VWA3B: variants seen among roughly 807,000 people sequenced by gnomAD.
VWA3B encodes von Willebrand factor A domain-containing protein 3B.
VWA3B carries 138 observed loss-of-function variants against 158.3 expected under a neutral mutation model. That is an observed-to-expected ratio of 0.87 (90% confidence interval 0.76 to 1.00). VWA3B has a LOEUF of 1.00. VWA3B is among the 50% of genes least tolerant of loss of function. The probability of loss-of-function intolerance (pLI) is 0.00; values close to 1 mark genes in which losing one functional copy is unlikely to be tolerated. For synonymous variants in VWA3B, 596 were observed against 587.3 expected, an observed-to-expected ratio of 1.01 and a Z score of -0.21; for missense variants, 1,555 against 1,565.1, an observed-to-expected ratio of 0.99 and a Z score of 0.11.
At chr2:98,271,941 G>A (rs963645305) in intron 22 of VWA3B, among the ~76,000 whole-genome samples, 3 of 152,200 alleles carry the variant, frequency 2.0e-5, no homozygotes, top group Admixed American at 1.3e-4. Flanking sequence ...ACATTTAAGA[G>A]GTGTGTGTGG....
chr2:98,157,844 G>T (rs1678223830), intron 7 of VWA3B, among the ~76,000 whole-genome samples: 1 of 152,172 alleles, frequency 6.6e-6, no homozygotes, highest in African/African-American at 2.4e-5. Context: ...CCCGAGGGTG[G>T]TTTTGTTTCT....
rs200956872 is a variant in VWA3B, at chr2:98,188,116, C to T, written c.1453C>T (p.Arg485Trp). ...TGAGAGAATCCACACAGCCCTGGCC[C>T]GGATCCGAAGGAGGTTGGTGTTATT... Reference protein sequence around the residue: ...YSERIHTALARIRRRIKWLQD... With the variant: ...YSERIHTALAWIRRRIKWLQD... Residue 485 changes from arginine to tryptophan, a missense_variant, in exon 10 of 28, where the codon CGG becomes TGG. Transcript: ENST00000477737. 90 of 1,611,678 alleles carry T rather than the reference C, an allele frequency of 5.6e-5. No homozygotes were observed. Among genetic ancestry groups the T allele is most frequent in the African/African-American group, 2.8e-4 (21 of 74,924 alleles).
chr2:98,251,616 C>T (rs1179117737), intron 20 of VWA3B, among the ~76,000 whole-genome samples: 2 of 152,164 alleles, frequency 1.3e-5, no homozygotes, highest in African/African-American at 4.8e-5. Flanking sequence ...TGTCATTTGC[C>T]ACCATGCGGG....
At chr2:98,102,664 G>C (rs867427634) in intron 2 of VWA3B, among the ~76,000 whole-genome samples, 29 of 152,198 alleles carry the variant, frequency 1.9e-4, no homozygotes, top group African/African-American at 6.5e-4. Context: ...AAGTTCGTAA[G>C]AGATATTGCT....
At chr2:98,216,425 A>G (rs1333363356) in intron 13 of VWA3B, among the ~76,000 whole-genome samples, 2 of 152,266 alleles carry the variant, frequency 1.3e-5, no homozygotes, top group African/African-American at 4.8e-5. Context: ...CACCATCCTA[A>G]ATAAAACTAA....
chr2:98,276,008 G>A (rs1286118036), intron 22 of VWA3B, among the ~76,000 whole-genome samples: 1 of 152,222 alleles, frequency 6.6e-6, no homozygotes, highest in Non-Finnish European at 1.5e-5. Context: ...GTCTGCTGCT[G>A]CCTCTTGGTC....
intron 13 of VWA3B, among the ~76,000 whole-genome samples, chr2:98,213,559 A>C (rs540158150): frequency 3.7e-4 from 56 of 152,294 alleles, no homozygotes; most frequent in African/African-American, 1.3e-3. Context: ...AGAGGTGAGG[A>C]GAAGGTAGGA....
chr2:98,256,037 G>A, intron 20 of VWA3B, 87 bp from the exon 21 acceptor site: 1 of 1,443,342 alleles, frequency 6.9e-7, no homozygotes, highest in East Asian at 2.3e-5. Context: ...TGCTTAGATG[G>A]GCTCCCACTG....
intron 8 of VWA3B, among the ~76,000 whole-genome samples, chr2:98,175,832 G>T (rs953128526): frequency 6.6e-6 from 1 of 152,208 alleles, no homozygotes; most frequent in Non-Finnish European, 1.5e-5. Context: ...CAATGAATCC[G>T]TTTGGTAGAA....
At position 98,133,827 on chromosome 2, in the gene VWA3B, C is replaced by T; in HGVS notation, c.876C>T (p.Phe292=). 1 of 1,613,968 alleles carries T rather than the reference C, an allele frequency of 6.2e-7. No homozygotes were observed. The highest frequency in any genetic ancestry group is 8.5e-7 in the Non-Finnish European group (1 of 1,179,952). Reference sequence around the variant, plus strand: ...TGAGCATCTCTTCACGTTTCAGATTCCACGCATTTGCCGAGAGAACAGAGT... The same window carrying T: ...TGAGCATCTCTTCACGTTTCAGATTTCACGCATTTGCCGAGAGAACAGAGT... The part of the protein sequence containing the change: ...KDLSAKTHSR[F]HAFAERTECV... The change falls in exon 7 of 28, where the codon TTC becomes TTT. Residue 292 remains phenylalanine (F), a synonymous_variant. Transcript: ENST00000477737.
chr2:98,207,705 A>G, intron 12 of VWA3B: 1 of 411,344 alleles, frequency 2.4e-6, no homozygotes, highest in Admixed American at 2.8e-5. Flanking sequence ...GCAGAAGCTG[A>G]TACGCTGGCT....
At chr2:98,089,095 T>A (rs1159334494) in intron 1 of VWA3B, among the ~76,000 whole-genome samples, 5 of 152,078 alleles carry the variant, frequency 3.3e-5, no homozygotes, top group African/African-American at 1.2e-4. Context: ...ATCCCTTTTT[T>A]AAAAGAGCTG....
chr2:98,129,957 AAG>A (rs1350851362), intron 6 of VWA3B, among the ~76,000 whole-genome samples: 14 of 152,100 alleles, frequency 9.2e-5, no homozygotes, highest in African/African-American at 3.4e-4. Context: ...TTGGAAAAGA[AAG>A]AGACACAAAG....
At position 98,221,130 on chromosome 2, in the gene VWA3B, TA is replaced by T. The variant is rs571507143; in HGVS notation, c.2019+3115del. Among the ~76,000 whole-genome samples, 1,187 of 142,908 alleles carry T rather than the reference TA, an allele frequency of 8.3e-3. 9 individuals carry two copies. Among genetic ancestry groups the T allele is most frequent in the African/African-American group, 0.02 (764 of 39,002 alleles). The allele number at this position is 142,908 out of a possible 152,430, so 93.8% of individuals were successfully genotyped here. On this transcript the variant is annotated intron_variant, in intron 14 of 27. Coordinates refer to ENST00000477737, the MANE Select transcript of VWA3B (RefSeq NM_144992.5). ...TGCACATATATCCTGGAACTTAAAG[TA>T]AAAAAAAAAAAATGACACTCATTGT...
chr2:98,283,421 G>T (rs529441716), intron 22 of VWA3B, among the ~76,000 whole-genome samples: 131 of 152,326 alleles, frequency 8.6e-4, no homozygotes, highest in African/African-American at 2.8e-3. Context: ...TGGCTTTTCC[G>T]TAAAGGCTTT....
chr2:98,167,062 C>T (rs960344281), intron 8 of VWA3B, among the ~76,000 whole-genome samples: 2 of 152,050 alleles, frequency 1.3e-5, no homozygotes, highest in African/African-American at 4.8e-5. Context: ...TGGAAGGCCT[C>T]CTAGGAAGGC....
intron 22 of VWA3B, among the ~76,000 whole-genome samples, chr2:98,283,799 C>T (rs1314508922): frequency 6.6e-6 from 1 of 152,224 alleles, no homozygotes; most frequent in Non-Finnish European, 1.5e-5. Flanking sequence ...TGTTGCCTTA[C>T]TTTGCATATG....
chr2:98,184,513 G>A (rs1680854486), intron 9 of VWA3B, among the ~76,000 whole-genome samples: 3 of 152,200 alleles, frequency 2.0e-5, no homozygotes. Flanking sequence ...GTAGTCTACT[G>A]AGTCCACTCG....
chr2:98,162,080 G>T (rs531540721), intron 7 of VWA3B, among the ~76,000 whole-genome samples: 1 of 152,236 alleles, frequency 6.6e-6, no homozygotes, highest in African/African-American at 2.4e-5. Context: ...CCTTGACTTT[G>T]ATACAGTTAA....
Sources: gnomAD v4.1 joint callset for allele counts (sites outside exome capture counted in the v4.1 genomes callset) on GRCh38, gnomAD v4.1.1 for gene constraint, MANE v1.5 for transcripts, NCBI Gene and HGNC (gene_info 2026-07-23, HGNC 2026-07-21) for gene names.